Variants in CLVS1 observed in about 807,000 individuals in gnomAD.
The protein encoded by CLVS1 is clavesin-1.
Under a neutral mutation model 33.1 loss-of-function variants are expected in CLVS1, and 10 were observed. The ratio of observed to expected loss-of-function variants is 0.30; its 90% CI spans 0.19 to 0.51. The LOEUF is 0.51. CLVS1 is among the 20% of genes least tolerant of loss of function. The probability of loss-of-function intolerance (pLI) is 0.97; values close to 1 mark genes in which losing one functional copy is unlikely to be tolerated. For synonymous variants in CLVS1, 163 were observed against 166.1 expected, an observed-to-expected ratio of 0.98 and a Z score of 0.14; for missense variants, 343 against 433.4, an observed-to-expected ratio of 0.79 and a Z score of 1.85.
At chr8:61,144,677 T>C (rs1433303539) in intron 2 of CLVS1, among the ~76,000 whole-genome samples, 1 of 152,184 alleles carries the variant, frequency 6.6e-6, no homozygotes, top group Admixed American at 6.5e-5. Flanking sequence ...CCACCAACAG[T>C]GTAAAAGCAT....
At chr8:61,268,469 A>G (rs1230213747) in intron 2 of CLVS1, among the ~76,000 whole-genome samples, 3 of 151,552 alleles carry the variant, frequency 2.0e-5, no homozygotes, top group African/African-American at 4.9e-5. Flanking sequence ...TAATGCCGCA[A>G]TAAACATACG....
chr8:61,158,656 A>G (rs1199967188), intron 2 of CLVS1, among the ~76,000 whole-genome samples: 1 of 152,044 alleles, frequency 6.6e-6, no homozygotes, highest in Non-Finnish European at 1.5e-5. Flanking sequence ...AAATGAGACT[A>G]GGAGTGAGGG....
At chr8:61,309,444 C>T (rs555617394) in intron 2 of CLVS1, among the ~76,000 whole-genome samples, 20 of 152,312 alleles carry the variant, frequency 1.3e-4, no homozygotes, top group African/African-American at 4.3e-4. Flanking sequence ...TCTCTCACCT[C>T]CAAACCCCTC....
rs57278209 is a variant in CLVS1 at position 61,261,975 on chromosome 8, CGTGTGTGTGTGT to C, written c.-151-37663_-151-37652del. Among the ~76,000 whole-genome samples, 914 of 111,048 alleles carry C rather than the reference CGTGTGTGTGTGT, an allele frequency of 8.2e-3. 7 individuals carry two copies. The highest frequency in any genetic ancestry group is 0.024 in the African/African-American group (723 of 29,898). 72.9% of individuals were successfully genotyped at this position (111,048 alleles called of 152,430 possible). On this transcript the variant is annotated intron_variant, in intron 2 of 2. Coordinates refer to the CLVS1 transcript ENST00000522621. ...CATTTGGCAGCAATTCTCATTGCTG[CGTGTGTGTGTGT>C]GTGTGTGTGTGTGTGTGTGTGTGTG...
chr8:60,990,537 A>G, the CLVS1 span, among the ~76,000 whole-genome samples: 4 of 152,292 alleles, frequency 2.6e-5, no homozygotes, highest in African/African-American at 9.6e-5. Flanking sequence ...TGAAGCTGGG[A>G]TGAGTACCCA....
chr8:60,971,982 G>A, the CLVS1 span, among the ~76,000 whole-genome samples: 3 of 152,112 alleles, frequency 2.0e-5, no homozygotes, highest in Non-Finnish European at 4.4e-5. Context: ...GATTCTTAGG[G>A]TCAGGAATTT....
At chr8:61,333,850 C>T (rs1187986804) in intron 2 of CLVS1, among the ~76,000 whole-genome samples, 2 of 152,130 alleles carry the variant, frequency 1.3e-5, no homozygotes. Context: ...CCTCTCCCTC[C>T]TCCCAACCTC....
chr8:60,983,090 G>T, the CLVS1 span, among the ~76,000 whole-genome samples: 1 of 152,084 alleles, frequency 6.6e-6, no homozygotes, highest in African/African-American at 2.4e-5. Flanking sequence ...TTCCCTGAGG[G>T]CTTGAAAATT....
At chr8:61,281,410 T>C (rs905272501) in intron 2 of CLVS1, among the ~76,000 whole-genome samples, 1 of 152,136 alleles carries the variant, frequency 6.6e-6, no homozygotes, top group Non-Finnish European at 1.5e-5. Flanking sequence ...GTAATAGGAC[T>C]GATATCCTCA....
At chr8:61,352,466 C>A (rs1184027537) in intron 2 of CLVS1, among the ~76,000 whole-genome samples, 2 of 151,944 alleles carry the variant, frequency 1.3e-5, no homozygotes, top group African/African-American at 4.8e-5. Context: ...TGCCAGTAGT[C>A]TAAGAGACAG....
At chr8:61,021,725 AT>A in the CLVS1 span, among the ~76,000 whole-genome samples, 1 of 152,086 alleles carries the variant, frequency 6.6e-6, no homozygotes, top group Admixed American at 6.5e-5. Context: ...TTTAAAAATA[AT>A]TTTACCTTTT....
At chr8:61,339,754 G>A (rs1811947079) in intron 2 of CLVS1, among the ~76,000 whole-genome samples, 1 of 148,692 alleles carries the variant, frequency 6.7e-6, no homozygotes, top group Non-Finnish European at 1.5e-5. Context: ...AGAGAAGGAG[G>A]GAGGGAGAAA....
intron 3 of CLVS1, among the ~76,000 whole-genome samples, chr8:61,453,835 C>G (rs1442207156): frequency 6.6e-6 from 1 of 152,184 alleles, no homozygotes; most frequent in Non-Finnish European, 1.5e-5. Context: ...TCCCCTCACT[C>G]CTCAGGCTGC....
intron 3 of CLVS1, among the ~76,000 whole-genome samples, chr8:61,441,050 C>T (rs915815701): frequency 2.6e-5 from 4 of 152,290 alleles, no homozygotes; most frequent in South Asian, 4.1e-4. Flanking sequence ...GACTGTCACA[C>T]GGTATAAGAG....
At chr8:61,065,793 T>A (rs1442995233) in intron 1 of CLVS1, among the ~76,000 whole-genome samples, 2 of 152,246 alleles carry the variant, frequency 1.3e-5, no homozygotes, top group Admixed American at 6.5e-5. Flanking sequence ...TAGATTGGTA[T>A]CTTTTGGTGA....
At chr8:61,144,241 C>T (rs1177330327) in intron 2 of CLVS1, among the ~76,000 whole-genome samples, 14 of 152,074 alleles carry the variant, frequency 9.2e-5, no homozygotes, top group Non-Finnish European at 1.9e-4. Flanking sequence ...TGATGTTCCC[C>T]TCCCTGTGTC....
chr8:61,201,173 C>T (rs898383753), intron 2 of CLVS1, among the ~76,000 whole-genome samples: 1 of 152,104 alleles, frequency 6.6e-6, no homozygotes, highest in African/African-American at 2.4e-5. Context: ...TGTAATAGAA[C>T]CATGTATCTC....
the CLVS1 span, among the ~76,000 whole-genome samples, chr8:60,984,760 C>G: frequency 6.6e-6 from 1 of 152,162 alleles, no homozygotes; most frequent in Non-Finnish European, 1.5e-5. Flanking sequence ...CCTAGGGACT[C>G]TATGAGGTAG....
chr8:61,418,903 C>T (rs1815545227), intron 3 of CLVS1, among the ~76,000 whole-genome samples: 1 of 152,114 alleles, frequency 6.6e-6, no homozygotes, highest in African/African-American at 2.4e-5. Flanking sequence ...GCATCAGTGC[C>T]AACAATGTGA....
Sources: allele counts gnomAD v4.1 joint callset (sites outside exome capture counted in the v4.1 genomes callset), GRCh38; gene constraint gnomAD v4.1.1; transcripts MANE v1.5; gene names NCBI Gene and HGNC (gene_info 2026-07-23, HGNC 2026-07-21).